Variants in PPP2R2B observed in about 807,000 individuals in gnomAD.
The protein encoded by PPP2R2B is serine/threonine-protein phosphatase 2A 55 kDa regulatory subunit B beta isoform.
A neutral mutation model predicts 46.0 loss-of-function variants in PPP2R2B; 5 were observed. That is an observed-to-expected ratio of 0.11 (90% CI 0.06 to 0.23). PPP2R2B has a LOEUF of 0.23. PPP2R2B is among the 10% of genes least tolerant of loss of function. PPP2R2B has a pLI of 1.00. For synonymous variants in PPP2R2B, 215 were observed against 206.7 expected, an observed-to-expected ratio of 1.04 and a Z score of -0.34; for missense variants, 367 against 575.0, an observed-to-expected ratio of 0.64 and a Z score of 3.70.
In PPP2R2B at chr5:146,587,528, T is replaced by C. The variant is rs575824296; in HGVS notation, c.*2419A>G. The C allele has an allele frequency of 1.3e-5, 2 of 152,352 alleles. No homozygotes were observed. The highest frequency in any genetic ancestry group is 4.1e-4 in the South Asian group (2 of 4,826). 9.4% of individuals were successfully genotyped at this position (152,352 alleles called of 1,614,324 possible). A position where few individuals can be genotyped will look rare whatever the true frequency, so the allele number is the denominator to read the frequency against. On this transcript the variant is annotated 3_prime_UTR_variant, in exon 10 of 10. Transcript: ENST00000394411. ...ACTGCAAAGGGGCCTATGAACTCCT[T>C]AAACCATGACAAAAATTATTCCTGT...
intron 2 of PPP2R2B, among the ~76,000 whole-genome samples, chr5:146,730,108 ACT>A (rs1407701411): frequency 1.3e-5 from 2 of 151,928 alleles, no homozygotes; most frequent in Non-Finnish European, 2.9e-5. Flanking sequence ...GCTGCCTAAG[ACT>A]CTTACATCAG....
chr5:146,920,371 G>A (rs1763555506), intron 1 of PPP2R2B, among the ~76,000 whole-genome samples: 1 of 152,138 alleles, frequency 6.6e-6, no homozygotes, highest in African/African-American at 2.4e-5. Context: ...GGCACACAGT[G>A]GGTGCTCAAG....
intron 1 of PPP2R2B, among the ~76,000 whole-genome samples, chr5:146,906,249 T>G (rs1762992099): frequency 6.6e-6 from 1 of 152,074 alleles, no homozygotes; most frequent in Non-Finnish European, 1.5e-5. Context: ...TTGAATATAT[T>G]AAGTTAAAGA....
chr5:146,952,924 T>A (rs1582487448), intron 1 of PPP2R2B, among the ~76,000 whole-genome samples: 2 of 152,120 alleles, frequency 1.3e-5, no homozygotes, highest in South Asian at 4.1e-4. Flanking sequence ...AGATAATAAG[T>A]GAGAGGGGTA....
At chr5:146,740,764 T>A (rs1432291531) in intron 2 of PPP2R2B, among the ~76,000 whole-genome samples, 14 of 152,166 alleles carry the variant, frequency 9.2e-5, no homozygotes, top group Middle Eastern at 6.8e-3. Flanking sequence ...TGAAAAAAAA[T>A]TCCATTTTGA....
At chr5:146,755,044 G>A (rs183957483) in intron 2 of PPP2R2B, among the ~76,000 whole-genome samples, 38 of 152,218 alleles carry the variant, frequency 2.5e-4, no homozygotes, top group South Asian at 8.3e-4. Context: ...ACAATACACC[G>A]TTTATATAAA....
chr5:146,952,916 A>G (rs1030114255), intron 1 of PPP2R2B, among the ~76,000 whole-genome samples: 2 of 152,206 alleles, frequency 1.3e-5, no homozygotes, highest in Non-Finnish European at 2.9e-5. Context: ...GAAACAGCAG[A>G]TAATAAGTGA....
At chr5:146,962,322 G>A (rs1449129831) in intron 1 of PPP2R2B, among the ~76,000 whole-genome samples, 4 of 151,416 alleles carry the variant, frequency 2.6e-5, no homozygotes, top group Non-Finnish European at 5.9e-5. Context: ...GAATTTGGTA[G>A]ACAGAGAGAG....
At chr5:146,652,027 G>A (rs1421185882) in intron 5 of PPP2R2B, among the ~76,000 whole-genome samples, 1 of 152,178 alleles carries the variant, frequency 6.6e-6, no homozygotes, top group African/African-American at 2.4e-5. Flanking sequence ...GACTTGAGGT[G>A]TGGCTGTAGA....
chr5:146,791,512 A>C (rs1224254193), intron 2 of PPP2R2B, among the ~76,000 whole-genome samples: 1 of 152,134 alleles, frequency 6.6e-6, no homozygotes, highest in Non-Finnish European at 1.5e-5. Context: ...CATTAAAAAA[A>C]AATCCAACTT....
At chr5:146,891,495 A>T (rs956283914) in intron 1 of PPP2R2B, among the ~76,000 whole-genome samples, 3 of 151,966 alleles carry the variant, frequency 2.0e-5, no homozygotes, top group Non-Finnish European at 4.4e-5. Context: ...GCTCTTTTTA[A>T]TTTTTTTTAA....
chr5:146,883,245 C>T (rs1451769791), upstream of PPP2R2B, among the ~76,000 whole-genome samples: 2 of 152,142 alleles, frequency 1.3e-5, no homozygotes, highest in Non-Finnish European at 2.9e-5. Flanking sequence ...GTTGCTACTT[C>T]ACAGGGTTGT....
At chr5:146,748,870 T>A (rs190463843) in intron 2 of PPP2R2B, among the ~76,000 whole-genome samples, 3 of 152,230 alleles carry the variant, frequency 2.0e-5, no homozygotes, top group Non-Finnish European at 4.4e-5. Context: ...TAGGTTTTTG[T>A]GTGCACATAC....
intron 1 of PPP2R2B, among the ~76,000 whole-genome samples, chr5:146,896,221 C>A (rs912575331): frequency 6.6e-6 from 1 of 152,088 alleles, no homozygotes; most frequent in Non-Finnish European, 1.5e-5. Flanking sequence ...ATCAAATCAT[C>A]CACAATTTGA....
chr5:147,022,582 A>C (rs893210164), intron 1 of PPP2R2B, among the ~76,000 whole-genome samples: 2 of 152,050 alleles, frequency 1.3e-5, no homozygotes, highest in African/African-American at 4.8e-5. Flanking sequence ...AAATTTAATA[A>C]GAAAATAAAG....
At chr5:146,832,359 G>A (rs1582216909) in intron 2 of PPP2R2B, among the ~76,000 whole-genome samples, 1 of 135,260 alleles carries the variant, frequency 7.4e-6, no homozygotes, top group African/African-American at 2.7e-5. Flanking sequence ...CCCTACACAA[G>A]TAAGTGTGCC....
At chr5:147,001,534 C>T (rs1754177497) in intron 1 of PPP2R2B, among the ~76,000 whole-genome samples, 1 of 152,140 alleles carries the variant, frequency 6.6e-6, no homozygotes, top group African/African-American at 2.4e-5. Context: ...AAACTCTGGA[C>T]ACACCATCTT....
chr5:147,035,512 C>G (rs1303115469), intron 1 of PPP2R2B, among the ~76,000 whole-genome samples: 1 of 152,142 alleles, frequency 6.6e-6, no homozygotes, highest in African/African-American at 2.4e-5. Context: ...GTTAGAACAA[C>G]CCACTAATAA....
At chr5:146,716,733 C>A (rs1260763064) in intron 2 of PPP2R2B, among the ~76,000 whole-genome samples, 1 of 152,108 alleles carries the variant, frequency 6.6e-6, no homozygotes, top group Non-Finnish European at 1.5e-5. Context: ...CCTTCTAACA[C>A]CCAGTTGAAA....
Sources: gnomAD v4.1 joint callset for allele counts (sites outside exome capture counted in the v4.1 genomes callset) on GRCh38, gnomAD v4.1.1 for gene constraint, MANE v1.5 for transcripts, NCBI Gene and HGNC (gene_info 2026-07-23, HGNC 2026-07-21) for gene names.